The following PDE1C variants were observed in gnomAD, a reference collection of about 807,000 sequenced individuals.
PDE1C encodes dual specificity calcium/calmodulin-dependent 3',5'-cyclic nucleotide phosphodiesterase 1C.
In PDE1C, 62 loss-of-function variants were observed where a neutral mutation model predicts 93.1. The ratio of observed to expected loss-of-function variants is 0.67; its 90% CI spans 0.54 to 0.82. The LOEUF (loss-of-function observed/expected upper bound fraction) is 0.82. Ranked by LOEUF, PDE1C falls within the 40% of genes least tolerant of loss-of-function variation. PDE1C has a pLI of 0.00. For missense variants in PDE1C, 742 were observed against 884.6 expected (o/e 0.84, Z 2.04); for synonymous variants, 325 against 310.1 (o/e 1.05, Z -0.50).
At chr7:31,648,481 A>G in the PDE1C span, among the ~76,000 whole-genome samples, 1 of 152,116 alleles carries the variant, frequency 6.6e-6, no homozygotes, top group Admixed American at 6.6e-5. Context: ...TTTCCAAATA[A>G]CCAGAAGATG....
At chr7:32,256,075 C>G (rs1035919813) in intron 1 of PDE1C, among the ~76,000 whole-genome samples, 5 of 152,092 alleles carry the variant, frequency 3.3e-5, no homozygotes, top group Non-Finnish European at 7.4e-5. Flanking sequence ...TTACACAGGG[C>G]AAGGAGATCA....
intron 1 of PDE1C, among the ~76,000 whole-genome samples, chr7:32,334,315 T>G (rs1293289355): frequency 6.6e-6 from 1 of 152,220 alleles, no homozygotes; most frequent in Admixed American, 6.5e-5. Flanking sequence ...CTGAACTATA[T>G]TTTTTAACAT....
chr7:32,423,866 T>C (rs1358377428), intron 1 of PDE1C, among the ~76,000 whole-genome samples: 1 of 152,106 alleles, frequency 6.6e-6, no homozygotes, highest in East Asian at 1.9e-4. Context: ...GGAAAAGAGC[T>C]TCAATAATTT....
intron 1 of PDE1C, among the ~76,000 whole-genome samples, chr7:32,417,033 A>T (rs996226697): frequency 2.0e-5 from 3 of 152,158 alleles, no homozygotes; most frequent in African/African-American, 2.4e-5. Flanking sequence ...GCACAGACTA[A>T]GGAGAACAAC....
intron 3 of PDE1C, among the ~76,000 whole-genome samples, chr7:32,115,778 G>T (rs760332621): frequency 6.6e-6 from 1 of 152,086 alleles, no homozygotes; most frequent in Non-Finnish European, 1.5e-5. Context: ...TGCCCTTTTA[G>T]CTTCTCTTCT....
intron 2 of PDE1C, among the ~76,000 whole-genome samples, chr7:31,900,337 G>A (rs1435839340): frequency 1.3e-5 from 2 of 150,986 alleles, no homozygotes; most frequent in South Asian, 2.1e-4. Context: ...TATGAAATAC[G>A]CCATTCTAAA....
At chr7:32,223,290 A>G (rs17161049) in intron 1 of PDE1C, among the ~76,000 whole-genome samples, 18,315 of 152,260 alleles carry the variant, frequency 0.12, 1,193 homozygotes, top group East Asian at 0.23. Context: ...GGCCACCCTG[A>G]CAGACCGTTC....
intron 1 of PDE1C, among the ~76,000 whole-genome samples, chr7:32,409,749 T>A (rs572712369): frequency 5.9e-5 from 9 of 152,078 alleles, no homozygotes; most frequent in African/African-American, 1.9e-4. Context: ...CTTTGAATAA[T>A]TTCATATATA....
intron 1 of PDE1C, among the ~76,000 whole-genome samples, chr7:32,363,049 C>T (rs1050235471): frequency 5.9e-5 from 9 of 152,252 alleles, no homozygotes; most frequent in African/African-American, 2.2e-4. Flanking sequence ...AGAGCATTCA[C>T]TGTGTGCCAA....
intron 1 of PDE1C, among the ~76,000 whole-genome samples, chr7:32,422,799 G>A (rs1399833536): frequency 1.3e-5 from 2 of 152,084 alleles, no homozygotes; most frequent in African/African-American, 4.8e-5. Flanking sequence ...GGCATCACTG[G>A]TAAAGGATCA....
chr7:31,997,498 T>C, intron 2 of PDE1C, among the ~76,000 whole-genome samples: 1 of 152,162 alleles, frequency 6.6e-6, no homozygotes. Context: ...CTGAATAAAT[T>C]GCCAGTTAGA....
chr7:32,028,919 A>G (rs1789866458), intron 2 of PDE1C, among the ~76,000 whole-genome samples: 1 of 152,088 alleles, frequency 6.6e-6, no homozygotes, highest in Non-Finnish European at 1.5e-5. Flanking sequence ...TAGATTCCAC[A>G]TCTAAGTGGA....
At chr7:32,108,784 C>T (rs138506736) in intron 3 of PDE1C, among the ~76,000 whole-genome samples, 1 of 152,314 alleles carries the variant, frequency 6.6e-6, no homozygotes, top group African/African-American at 2.4e-5. Context: ...CCCAAGTGCC[C>T]TCTGGCCTGG....
the PDE1C span, chr7:31,658,437 A>G: frequency 7.0e-7 from 1 of 1,419,514 alleles, no homozygotes; most frequent in East Asian, 2.5e-5. Context: ...AGAGTATAAC[A>G]CATGTCGAAC....
Position 32,359,557 on chromosome 7 carries a change from G to A in PDE1C, c.310+68265C>T, listed in dbSNP as rs530116131. ...TGCCTAGCACACATAGTAAGTGCTC[G>A]GTTAACATTTATTGAGTGAATAAAC... On this transcript the variant is annotated intron_variant, in intron 1 of 1. Transcript: ENST00000672256. 7.9e-5 allele frequency among the ~76,000 whole-genome samples: 12 copies of A among 152,230 alleles called. No homozygotes were observed. The South Asian group carries it at 1.0e-3, about 13-fold the overall frequency.
At chr7:32,245,239 T>G (rs988996392) in intron 1 of PDE1C, among the ~76,000 whole-genome samples, 8 of 152,152 alleles carry the variant, frequency 5.3e-5, no homozygotes, top group African/African-American at 1.9e-4. Flanking sequence ...AACCCTATCC[T>G]AGCACTGCCA....
At chr7:32,087,862 G>A (rs1797202813) in intron 3 of PDE1C, among the ~76,000 whole-genome samples, 1 of 151,150 alleles carries the variant, frequency 6.6e-6, no homozygotes, top group African/African-American at 2.4e-5. Context: ...GGGGTGGTGG[G>A]AGGGGGGAGG....
intron 16 of PDE1C, among the ~76,000 whole-genome samples, chr7:31,801,877 AT>A (rs1416543956): frequency 3.3e-5 from 5 of 150,714 alleles, no homozygotes; most frequent in Non-Finnish European, 7.4e-5. Context: ...TCCTTTTTTG[AT>A]TGTTTTTGTT....
chr7:32,427,311 A>G (rs901393986), intron 1 of PDE1C, among the ~76,000 whole-genome samples: 1 of 152,182 alleles, frequency 6.6e-6, no homozygotes, highest in Admixed American at 6.5e-5. Flanking sequence ...ATCTTGCCCA[A>G]GATCGCAATG....
Sources: gnomAD v4.1 joint callset for allele counts (sites outside exome capture counted in the v4.1 genomes callset) on GRCh38, gnomAD v4.1.1 for gene constraint, MANE v1.5 for transcripts, NCBI Gene and HGNC (gene_info 2026-07-23, HGNC 2026-07-21) for gene names.